Variants in DGKG observed in about 807,000 individuals in gnomAD.
The protein encoded by DGKG is DAG kinase gamma.
Under a neutral mutation model 105.3 loss-of-function variants are expected in DGKG, and 78 were observed. That is an observed-to-expected ratio of 0.74 (90% CI 0.62 to 0.89). The LOEUF (loss-of-function observed/expected upper bound fraction) is 0.89, where lower values mean the gene tolerates loss of function less well. Among genes scored for constraint, DGKG ranks in the 40% least tolerant of loss-of-function variants. DGKG has a pLI of 0.00. For synonymous variants in DGKG, 346 were observed against 367.1 expected (o/e 0.94, Z 0.66); for missense variants, 958 against 1,020.1 (o/e 0.94, Z 0.83).
At position 186,265,657 on chromosome 3, in the gene DGKG, C is replaced by CTTTTTTTTTTTT. The variant is rs68014632; in HGVS notation, c.1210-363_1210-352dup. On this transcript the variant is annotated intron_variant, in intron 13 of 24. Transcript: ENST00000265022. ...TTGGCGACTTGGCTTTTCTTCCTTT[C>CTTTTTTTTTTTT]TTTTTTTTTTTTTTTTTTTTTTTTG... is the stretch of plus-strand genomic sequence containing the variant. Among the ~76,000 whole-genome samples, 65 of 77,388 alleles carry CTTTTTTTTTTTT rather than the reference C, an allele frequency of 8.4e-4. 1 individual carries two copies. The highest frequency in any genetic ancestry group is 2.7e-3 in the African/African-American group (52 of 19,580). The allele number at this position is 77,388 out of a possible 152,430, so 50.8% of individuals were successfully genotyped here. A position where few individuals can be genotyped will look rare whatever the true frequency, so the allele number is the denominator to read the frequency against.
chr3:186,277,789 T>A (rs1474278713), intron 9 of DGKG, among the ~76,000 whole-genome samples: 1 of 152,176 alleles, frequency 6.6e-6, no homozygotes, highest in Non-Finnish European at 1.5e-5. Flanking sequence ...CCAGGTTTTA[T>A]GCTGCTGCTA....
chr3:186,358,535 C>G (rs1042269622), intron 1 of DGKG, among the ~76,000 whole-genome samples: 2 of 70,120 alleles, frequency 2.9e-5, no homozygotes, highest in African/African-American at 1.1e-4. Context: ...TTTTGTATTG[C>G]CTAATTCAAT....
At chr3:186,277,779 C>A (rs1216035938) in intron 9 of DGKG, among the ~76,000 whole-genome samples, 1 of 152,112 alleles carries the variant, frequency 6.6e-6, no homozygotes, top group Non-Finnish European at 1.5e-5. Context: ...CTCGTGCTCA[C>A]CAGGTTTTAT....
At chr3:186,269,901 T>C (rs1250745860) in intron 11 of DGKG, among the ~76,000 whole-genome samples, 1 of 152,146 alleles carries the variant, frequency 6.6e-6, no homozygotes, top group Non-Finnish European at 1.5e-5. Flanking sequence ...AGCAGCTGGC[T>C]AGTAGCCCCA....
intron 5 of DGKG, among the ~76,000 whole-genome samples, chr3:186,292,362 A>G (rs1026060695): frequency 1.6e-4 from 25 of 152,222 alleles, no homozygotes; most frequent in African/African-American, 6.0e-4. Context: ...GATTTAACAC[A>G]AGCAGGCTTA....
intron 20 of DGKG, among the ~76,000 whole-genome samples, chr3:186,214,173 C>T (rs1040737167): frequency 4.6e-5 from 7 of 152,192 alleles, no homozygotes; most frequent in African/African-American, 1.4e-4. Context: ...TAAGAGGTCA[C>T]GGTTAGGTCA....
At chr3:186,158,688 C>T in intron 24 of DGKG, 1 of 967,722 alleles carries the variant, frequency 1.0e-6, no homozygotes, top group Non-Finnish European at 1.2e-6. Flanking sequence ...GCTACTTAAC[C>T]TCAAAGATGG....
intron 5 of DGKG, among the ~76,000 whole-genome samples, chr3:186,292,076 C>T (rs1170273741): frequency 6.6e-6 from 1 of 152,156 alleles, no homozygotes; most frequent in Non-Finnish European, 1.5e-5. Context: ...CATCTGAGTA[C>T]GACCCTCAGG....
At chr3:186,329,251 C>A (rs1245259370) in intron 1 of DGKG, among the ~76,000 whole-genome samples, 1 of 152,150 alleles carries the variant, frequency 6.6e-6, no homozygotes, top group Non-Finnish European at 1.5e-5. Flanking sequence ...GCTTCAGCTC[C>A]TTTGGCCTCA....
At chr3:186,291,185 T>C (rs1339309482) in intron 5 of DGKG, among the ~76,000 whole-genome samples, 2 of 151,992 alleles carry the variant, frequency 1.3e-5, no homozygotes, top group East Asian at 3.8e-4. Flanking sequence ...ATAAATTCTA[T>C]ACAAATTCTT....
In DGKG at chr3:186,147,727, A is replaced by G. The variant is rs552579758; in HGVS notation, c.*2363T>C. 21 of 985,396 alleles carry G rather than the reference A, an allele frequency of 2.1e-5. No individual in the cohort carries two copies. In the East Asian group the frequency reaches 2.0e-3, roughly 96 times the overall value. The allele number at this position is 985,396 out of a possible 1,614,324, so 61.0% of individuals were successfully genotyped here. ...CACCTGTTGATAGTGCCATGTCTCAATAGCCTCAATCTTGGGGATCATGGC... is the reference window on the plus strand; with the variant it reads ...CACCTGTTGATAGTGCCATGTCTCAGTAGCCTCAATCTTGGGGATCATGGC... On this transcript the variant is annotated 3_prime_UTR_variant, in exon 25 of 25. Transcript: ENST00000265022.
intron 1 of DGKG, among the ~76,000 whole-genome samples, chr3:186,339,441 G>A (rs1009364492): frequency 2.6e-5 from 4 of 152,118 alleles, no homozygotes; most frequent in Admixed American, 1.3e-4. Flanking sequence ...TGCCTCCACC[G>A]GAGAGAGGAA....
At chr3:186,317,764 A>G (rs1486584350) in intron 2 of DGKG, among the ~76,000 whole-genome samples, 1 of 152,160 alleles carries the variant, frequency 6.6e-6, no homozygotes, top group African/African-American at 2.4e-5. Context: ...GCTATACTGC[A>G]GCACCCGTGC....
chr3:186,296,125 A>G (rs893755951), intron 5 of DGKG, among the ~76,000 whole-genome samples: 6 of 146,632 alleles, frequency 4.1e-5, no homozygotes, highest in East Asian at 2.0e-4. Context: ...AAAAAAAAAA[A>G]AGAAAAGAAT....
intron 22 of DGKG, among the ~76,000 whole-genome samples, chr3:186,181,214 G>A (rs1468162236): frequency 1.3e-5 from 2 of 152,192 alleles, no homozygotes; most frequent in Non-Finnish European, 2.9e-5. Flanking sequence ...TAAAGACTAT[G>A]TTTGTTTTTG....
At chr3:186,352,935 A>T (rs1425913691) in intron 1 of DGKG, among the ~76,000 whole-genome samples, 4 of 152,078 alleles carry the variant, frequency 2.6e-5, no homozygotes, top group Non-Finnish European at 5.9e-5. Context: ...GCACACTTTA[A>T]TGTGACAAAC....
intron 3 of DGKG, among the ~76,000 whole-genome samples, chr3:186,299,841 T>TTTCTTTCCTTCCTTCCTTC (rs1446531456): frequency 1.3e-5 from 1 of 74,614 alleles, no homozygotes; most frequent in African/African-American, 5.9e-5. Flanking sequence ...TTCTTTCTTT[T>TTTCTTTCCTTCCTTCCTTC]TTTTTTTTTT....
At chr3:186,158,866 T>A (rs1716157099) in intron 24 of DGKG, 1 of 938,978 alleles carries the variant, frequency 1.1e-6, no homozygotes, top group South Asian at 5.0e-5. Flanking sequence ...AAATAAAAAA[T>A]GTGTTTACTT....
rs979926420 is a variant in DGKG, at chr3:186,148,495, G to T, written c.*1595C>A. On this transcript the variant is annotated 3_prime_UTR_variant, in exon 25 of 25. Transcript: ENST00000265022. ...TCTTGTGTGGGGATATCCCATCCAC[G>T]CATGTGCTGTACGTTTGTTCCTCCC... The T allele has an allele frequency of 2.0e-6, 2 of 985,300 alleles. No homozygotes were observed. The highest frequency in any genetic ancestry group is 3.5e-5 in the African/African-American group (2 of 57,214). The allele number at this position is 985,300 out of a possible 1,614,324, so 61.0% of individuals were successfully genotyped here.
Sources: gnomAD v4.1 joint callset for allele counts (sites outside exome capture counted in the v4.1 genomes callset) on GRCh38, gnomAD v4.1.1 for gene constraint, MANE v1.5 for transcripts, NCBI Gene and HGNC (gene_info 2026-07-23, HGNC 2026-07-21) for gene names.